Variants in IQCH observed in about 807,000 individuals in gnomAD.
IQCH encodes the protein IQ motif containing H.
IQCH carries 98 observed loss-of-function variants against 117.0 expected under a neutral mutation model. The ratio of observed to expected loss-of-function variants is 0.84; its 90% CI spans 0.71 to 0.99. The LOEUF is 0.99. Among genes scored for constraint, IQCH ranks in the 50% least tolerant of loss-of-function variants. IQCH has a pLI of 0.00. For missense variants in IQCH, 1,102 were observed against 1,243.8 expected (o/e 0.89, Z 1.72); for synonymous variants, 412 against 448.2 (o/e 0.92, Z 1.02).
intron 3 of IQCH, among the ~76,000 whole-genome samples, chr15:67,266,605 C>G (rs1015743806): frequency 6.6e-6 from 1 of 151,972 alleles, no homozygotes; most frequent in Non-Finnish European, 1.5e-5. Context: ...TGCAGTGAGC[C>G]GAGATTGTGC....
At position 67,463,196 on chromosome 15, in the gene IQCH, G is replaced by A. The variant is rs1370552722; in HGVS notation, c.2506-1931G>A. On this transcript the variant is annotated intron_variant, in intron 16 of 20. Transcript: ENST00000335894. The surrounding 1 kb of genome is among the most constrained non-coding windows in gnomAD (Gnocchi z 4.0). ...AGAGTTGGTGAGCGGGGTAAATACAGGCCTTCTAGGAGGAAAAACTGTTTA... is the reference window on the plus strand; with the variant it reads ...AGAGTTGGTGAGCGGGGTAAATACAAGCCTTCTAGGAGGAAAAACTGTTTA... Among the ~76,000 whole-genome samples, 1 of 152,154 alleles carries A rather than the reference G, an allele frequency of 6.6e-6. No homozygotes were observed. Among genetic ancestry groups the A allele is most frequent in the Non-Finnish European group, 1.5e-5 (1 of 68,032 alleles).
Position 67,284,531 on chromosome 15 carries a change from G to C in IQCH, c.387+5019G>C, listed in dbSNP as rs371234086. Reference sequence around the variant, plus strand: ...TACATAGGTAAACTTGTGTCATGGGGATTTGTTGTGCAGATTATTTCATCA... The same window carrying C: ...TACATAGGTAAACTTGTGTCATGGGCATTTGTTGTGCAGATTATTTCATCA... On this transcript the variant is annotated intron_variant, in intron 4 of 20. Transcript: ENST00000335894. Among the ~76,000 whole-genome samples the C allele has an allele frequency of 1.2e-4, 18 of 152,206 alleles. 2 individuals carry two copies. Among genetic ancestry groups the C allele is most frequent in the East Asian group, 3.9e-4 (2 of 5,184 alleles).
Position 67,424,183 on chromosome 15 carries a change from C to A in IQCH, c.2505+2606C>A, listed in dbSNP as rs2081826888. Among the ~76,000 whole-genome samples the A allele has an allele frequency of 6.6e-6, 1 of 152,166 alleles. No individual in the cohort carries two copies. Among genetic ancestry groups the A allele is most frequent in the Admixed American group, 6.5e-5 (1 of 15,274 alleles). On this transcript the variant is annotated intron_variant, in intron 16 of 20. Transcript: ENST00000335894. The surrounding 1 kb of genome is among the most constrained non-coding windows in gnomAD (Gnocchi z 4.9). ...GTTCTGGTCCATCCACACACCCTGT[C>A]TCATTCCCTCTTACTCATCATATTC... is the stretch of plus-strand genomic sequence containing the variant.
rs376923137 is a variant in IQCH, at chr15:67,459,396, T to C, written c.2506-5731T>C. Among the ~76,000 whole-genome samples, 11 of 152,294 alleles carry C rather than the reference T, an allele frequency of 7.2e-5. No individual in the cohort carries two copies. The East Asian group carries it at 9.7e-4, about 13-fold the overall frequency. The stretch of plus-strand genomic sequence containing the variant: ...ACACTAAACCCTTTGCTGAGAACTT[T>C]ATTTGCACAGAATGTAGGGCCTGAG... On this transcript the variant is annotated intron_variant, in intron 16 of 20. Transcript: ENST00000335894. The surrounding 1 kb of genome is among the most constrained non-coding windows in gnomAD (Gnocchi z 4.2).
At position 67,432,552 on chromosome 15, in the gene IQCH, T is replaced by TA. The variant is rs1272250415; in HGVS notation, c.2505+10976dup. Among the ~76,000 whole-genome samples the TA allele has an allele frequency of 6.6e-6, 1 of 152,186 alleles. No individual in the cohort carries two copies. Among genetic ancestry groups the TA allele is most frequent in the African/African-American group, 2.4e-5 (1 of 41,448 alleles). ...AGTATGTTCTGAGAGGCTAAGCAGATATAAGGTGATGTTCTTATTAAATCA... is the reference window on the plus strand; with the variant it reads ...AGTATGTTCTGAGAGGCTAAGCAGATAATAAGGTGATGTTCTTATTAAATCA... On this transcript the variant is annotated intron_variant, in intron 16 of 20. Transcript: ENST00000335894. This position sits in a 1 kb window ranked among gnomAD's most constrained non-coding sequence, Gnocchi z 5.0.
chr15:67,322,544 G>A (rs1347620276), intron 4 of IQCH, among the ~76,000 whole-genome samples: 1 of 152,116 alleles, frequency 6.6e-6, no homozygotes, highest in Non-Finnish European at 1.5e-5. Flanking sequence ...TTTGCCAACT[G>A]GGGACCTCCA....
At chr15:67,455,179 AGATT>A (rs1417179091) in intron 16 of IQCH, among the ~76,000 whole-genome samples, 2 of 152,178 alleles carry the variant, frequency 1.3e-5, no homozygotes, top group African/African-American at 2.4e-5. Flanking sequence ...CACCCAGCAA[AGATT>A]GATTGGGCAC....
At position 67,436,285 on chromosome 15, in the gene IQCH, A is replaced by G. The variant is rs1293200015; in HGVS notation, c.2505+14708A>G. Among the ~76,000 whole-genome samples, 1 of 152,160 alleles carries G rather than the reference A, an allele frequency of 6.6e-6. No individual in the cohort carries two copies. The highest frequency in any genetic ancestry group is 1.5e-5 in the Non-Finnish European group (1 of 68,012). ...AGGAAAGGGAGACCCTCCTCTCTCA[A>G]ACACACACCCCCGCACTGGAGAAGC... On this transcript the variant is annotated intron_variant, in intron 16 of 20. Coordinates refer to ENST00000335894, the MANE Select transcript of IQCH (RefSeq NM_001031715.3). This position sits in a 1 kb window ranked among gnomAD's most constrained non-coding sequence, Gnocchi z 5.1.
rs1970169469 is a variant in IQCH, at chr15:67,362,284, A to T, written c.753+2399A>T. Among the ~76,000 whole-genome samples, 3 of 152,054 alleles carry T rather than the reference A, an allele frequency of 2.0e-5. No homozygotes were observed. In the South Asian group the frequency reaches 6.2e-4, roughly 32 times the overall value. On this transcript the variant is annotated intron_variant, in intron 8 of 20. Transcript: ENST00000335894. ...TGTGTGTTTAAAACTTTTCCAAAAC[A>T]TCTCCAAATTTAAAAAAAAAATCCA...
chr15:67,256,979 A>G lies in IQCH; in HGVS notation c.51+2032A>G, dbSNP rs776700689. ...CAGTGAATCCTGAGAATGTGTGAGT[A>G]TGTAGCACCACCCAACTGTGCCAAC... On this transcript the variant is annotated intron_variant, in intron 1 of 20. Coordinates refer to ENST00000335894, the MANE Select transcript of IQCH (RefSeq NM_001031715.3). Among the ~76,000 whole-genome samples the G allele has an allele frequency of 7.9e-4, 121 of 152,326 alleles. 1 individual carries two copies. Among genetic ancestry groups the G allele is most frequent in the Non-Finnish European group, 1.4e-3 (95 of 68,014 alleles).
chr15:67,285,070 A>G (rs1418328887), intron 4 of IQCH, among the ~76,000 whole-genome samples: 1 of 152,168 alleles, frequency 6.6e-6, no homozygotes, highest in Non-Finnish European at 1.5e-5. Context: ...TTACATTCCC[A>G]CCAACAGTGT....
chr15:67,263,343 T>C lies in IQCH; in HGVS notation c.269+127T>C, dbSNP rs1965536795. ...CTTTCTTAACATCCTTTCTATTAAT[T>C]CTAGTAGAGATTTTGCATAAGAAGT... is the stretch of plus-strand genomic sequence containing the variant. On this transcript the variant is annotated intron_variant, in intron 3 of 20. Transcript: ENST00000335894. The C allele has an allele frequency of 2.8e-5, 17 of 608,408 alleles. No homozygotes were observed. The South Asian group carries it at 3.3e-4, about 12-fold the overall frequency. 37.7% of individuals were successfully genotyped at this position (608,408 alleles called of 1,614,324 possible). A position where few individuals can be genotyped will look rare whatever the true frequency, so the allele number is the denominator to read the frequency against.
At chr15:67,469,428 G>C (rs938248119) in intron 17 of IQCH, among the ~76,000 whole-genome samples, 1 of 152,178 alleles carries the variant, frequency 6.6e-6, no homozygotes, top group Non-Finnish European at 1.5e-5. Flanking sequence ...CCTGTACGGG[G>C]ACACAGGAAG....
At chr15:67,379,137 A>T (rs987117852) in intron 10 of IQCH, among the ~76,000 whole-genome samples, 2 of 152,208 alleles carry the variant, frequency 1.3e-5, no homozygotes, top group African/African-American at 4.8e-5. Context: ...TTAATGGAAC[A>T]TGGTTGGATT....
At chr15:67,298,425 C>A (rs867780836) in intron 4 of IQCH, among the ~76,000 whole-genome samples, 13 of 152,182 alleles carry the variant, frequency 8.5e-5, no homozygotes, top group Middle Eastern at 3.4e-3. Flanking sequence ...AATGAGATAT[C>A]ATCTGACCCA....
chr15:67,328,555 G>A (rs1968516814), intron 4 of IQCH, among the ~76,000 whole-genome samples: 1 of 152,160 alleles, frequency 6.6e-6, no homozygotes, highest in Non-Finnish European at 1.5e-5. Context: ...TTACGTTTTA[G>A]CTAGTTGTTA....
At chr15:67,357,857 A>T (rs905502723) in intron 7 of IQCH, among the ~76,000 whole-genome samples, 1 of 151,294 alleles carries the variant, frequency 6.6e-6, no homozygotes, top group Non-Finnish European at 1.5e-5. Flanking sequence ...TATTATCATT[A>T]TTATTATTAT....
intron 18 of IQCH, among the ~76,000 whole-genome samples, chr15:67,480,288 A>G (rs2083309635): frequency 6.6e-6 from 1 of 152,240 alleles, no homozygotes; most frequent in South Asian, 2.1e-4. Flanking sequence ...GCATGGCCAC[A>G]TAACTTGCTT....
At chr15:67,325,720 T>A (rs1438001398) in intron 4 of IQCH, among the ~76,000 whole-genome samples, 1 of 152,102 alleles carries the variant, frequency 6.6e-6, no homozygotes, top group Non-Finnish European at 1.5e-5. Context: ...AATAACTTAC[T>A]AATATAATCA....
Sources: allele counts gnomAD v4.1 joint callset (sites outside exome capture counted in the v4.1 genomes callset), GRCh38; gene constraint gnomAD v4.1.1; non-coding constraint Gnocchi (gnomAD v3.1); transcripts MANE v1.5; gene names NCBI Gene and HGNC (gene_info 2026-07-23, HGNC 2026-07-21).